The following STK25 variants were observed in gnomAD, a reference collection of about 807,000 sequenced individuals.
The protein encoded by STK25 is serine/threonine-protein kinase 25.
In STK25, 29 loss-of-function variants were observed where a neutral mutation model predicts 53.8. That is an observed-to-expected ratio of 0.54 (90% CI 0.40 to 0.74). The LOEUF is 0.74. STK25 is among the 30% of genes least tolerant of loss of function. STK25 has a pLI of 0.00. For missense variants in STK25, 420 were observed against 568.0 expected (o/e 0.74, Z 2.65); for synonymous variants, 247 against 238.3 (o/e 1.04, Z -0.33).
intron 2 of STK25, among the ~76,000 whole-genome samples, chr2:241,502,182 CAAAT>C (rs2065553121): frequency 1.3e-5 from 2 of 151,774 alleles, no homozygotes; most frequent in Admixed American, 6.6e-5. Flanking sequence ...AACAAACAAA[CAAAT>C]AACAACAACA....
chr2:241,509,306 G>T (rs2066032101), upstream of STK25: 1 of 152,418 alleles, frequency 6.6e-6, no homozygotes, highest in African/African-American at 2.4e-5. Context: ...GCCCAGGACA[G>T]TGACTGCTGC....
At chr2:241,500,415 G>C (rs1197570384) in intron 4 of STK25, 134 bp from the exon 5 acceptor site, 2 of 660,390 alleles carry the variant, frequency 3.0e-6, no homozygotes, top group African/African-American at 3.6e-5. Context: ...TTCCCAAACA[G>C]AACTAAGTTT....
At position 241,494,401 on chromosome 2, in the gene STK25, CA is replaced by C; in HGVS notation, c.*1260del. 3.6e-6 allele frequency: 1 copy of C among 277,812 alleles called. No homozygotes were observed. Among genetic ancestry groups the C allele is most frequent in the Non-Finnish European group, 6.7e-6 (1 of 148,258 alleles). The allele number at this position is 277,812 out of a possible 1,614,324, so 17.2% of individuals were successfully genotyped here. ...AGCCACAGCTCCCAGGCCCCTGGCT[CA>C]AAGACGCAGACAAGGCCTGAGCAGT... On this transcript the variant is annotated 3_prime_UTR_variant, in exon 12 of 12. Coordinates refer to ENST00000316586, the MANE Select transcript of STK25 (RefSeq NM_001271977.2). This position sits in a 1 kb window ranked among gnomAD's most constrained non-coding sequence, Gnocchi z 4.9.
chr2:241,508,876 C>G (rs796340793), upstream of STK25, among the ~76,000 whole-genome samples: 37 of 152,312 alleles, frequency 2.4e-4, 1 homozygote, highest in African/African-American at 8.4e-4. Flanking sequence ...CCTCGCGGGT[C>G]TTCTGCGTTT....
Position 241,496,254 on chromosome 2 carries a change from A to G in STK25, c.1241+144T>C. The G allele has an allele frequency of 3.1e-6, 3 of 978,268 alleles. 1 individual carries two copies. The South Asian group carries it at 4.6e-5, about 15-fold the overall frequency. The allele number at this position is 978,268 out of a possible 1,614,324, so 60.6% of individuals were successfully genotyped here. The stretch of plus-strand genomic sequence containing the variant: ...GAGCTGGGTCCAAACAAGGAAGAGG[A>G]TGCCACGCCGCGCCTTCCCAGAGTG... On this transcript the variant is annotated intron_variant, in intron 11 of 11. Coordinates refer to ENST00000316586, the MANE Select transcript of STK25 (RefSeq NM_001271977.2). The surrounding 1 kb of genome is among the most constrained non-coding windows in gnomAD (Gnocchi z 5.8).
In STK25 at chr2:241,499,005, T is replaced by A. The variant is rs764540534; in HGVS notation, c.755A>T (p.Asn252Ile). Residue 252 changes from asparagine (N) to isoleucine (I), a missense_variant, in exon 7 of 12, where the codon AAC becomes ATC. By Grantham distance (149) the Asn-to-Ile change is moderately radical (BLOSUM62 -3). Transcript: ENST00000316586. ...PFKEFVEACL[N>I]KDPRFRPTAK... ...GGGCCTTACGAATCGGGGGTCTTTG[T>A]TGAGGCAGGCCTCCACGAACTCCTT... 6.2e-7 allele frequency: 1 copy of A among 1,613,952 alleles called. No individual in the cohort carries two copies. The highest frequency in any genetic ancestry group is 8.5e-7 in the Non-Finnish European group (1 of 1,179,932).
Position 241,501,707 on chromosome 2 carries a change from T to C in STK25, c.32A>G (p.His11Arg), listed in dbSNP as rs752551342. Residue 11 changes from histidine to arginine, a missense_variant and splice_region_variant, in exon 3 of 12, where the codon CAC (histidine) becomes CGC (arginine). Physicochemically the swap from His to Arg is conservative, Grantham distance 29 (BLOSUM62 0). Transcript: ENST00000316586. The surrounding 1 kb of genome is among the most constrained non-coding windows in gnomAD (Gnocchi z 5.3). MAHLRGFANQ[H>R]SRVDPEELFT... Reference sequence around the variant, plus strand: ...GAGCTCCTCAGGGTCCACTCGAGAGTGCTGTGGGGCCAGGGCGGGGACAGA... The same window carrying C: ...GAGCTCCTCAGGGTCCACTCGAGAGCGCTGTGGGGCCAGGGCGGGGACAGA... The C allele has an allele frequency of 6.2e-7, 1 of 1,610,340 alleles. No homozygotes were observed.
Position 241,493,543 on chromosome 2 carries a change from G to T in STK25, c.*2119C>A. On this transcript the variant is annotated 3_prime_UTR_variant, in exon 12 of 12. Transcript: ENST00000316586. ...GGTGGAGGCAAGTTTTCTGGGCCCTGGAAAGGAAGGGCTGAGCAATGCTTC... is the reference window on the plus strand; with the variant it reads ...GGTGGAGGCAAGTTTTCTGGGCCCTTGAAAGGAAGGGCTGAGCAATGCTTC... 9.1e-7 allele frequency: 1 copy of T among 1,096,200 alleles called. No individual in the cohort carries two copies. The highest frequency in any genetic ancestry group is 1.3e-5 in the South Asian group (1 of 74,976). 67.9% of individuals were successfully genotyped at this position (1,096,200 alleles called of 1,614,324 possible).
At position 241,501,038 on chromosome 2, in the gene STK25, A is replaced by AC; in HGVS notation, c.262-243dup. On this transcript the variant is annotated intron_variant, in intron 3 of 11. Transcript: ENST00000316586. The surrounding 1 kb of genome is among the most constrained non-coding windows in gnomAD (Gnocchi z 5.3). The stretch of plus-strand genomic sequence containing the variant: ...CAGTGGCTGACTCCACTTCACCAAG[A>AC]CCCCATCAAAAACCAGGCTGCTGAT... 1.7e-6 allele frequency: 1 copy of AC among 584,818 alleles called. No homozygotes were observed. The highest frequency in any genetic ancestry group is 3.0e-6 in the Non-Finnish European group (1 of 327,984). The allele number at this position is 584,818 out of a possible 1,614,324, so 36.2% of individuals were successfully genotyped here. A position where few individuals can be genotyped will look rare whatever the true frequency, so the allele number is the denominator to read the frequency against.
In STK25 at chr2:241,493,194, G is replaced by A. The variant is rs1264079333; in HGVS notation, c.*2468C>T. Reference sequence around the variant, plus strand: ...AGGGAAACTGGCTCCCTTGGCCCGTGGGCATTTGTACGTGCCACCGTTGTG... The same window carrying A: ...AGGGAAACTGGCTCCCTTGGCCCGTAGGCATTTGTACGTGCCACCGTTGTG... On this transcript the variant is annotated 3_prime_UTR_variant, in exon 12 of 12. Coordinates refer to ENST00000316586, the MANE Select transcript of STK25 (RefSeq NM_001271977.2). 2 of 1,389,694 alleles carry A rather than the reference G, an allele frequency of 1.4e-6. No homozygotes were observed. Among genetic ancestry groups the A allele is most frequent in the Non-Finnish European group, 2.0e-6 (2 of 991,332 alleles). 86.1% of individuals were successfully genotyped at this position (1,389,694 alleles called of 1,614,324 possible). A position where few individuals can be genotyped will look rare whatever the true frequency, so the allele number is the denominator to read the frequency against.
rs899485896 is a variant in STK25, at chr2:241,501,056, C to G, written c.262-260G>C. The G allele has an allele frequency of 3.5e-6, 2 of 578,478 alleles. No individual in the cohort carries two copies. The highest frequency in any genetic ancestry group is 3.1e-6 in the Non-Finnish European group (1 of 324,196). 35.8% of individuals were successfully genotyped at this position (578,478 alleles called of 1,614,324 possible). A position where few individuals can be genotyped will look rare whatever the true frequency, so the allele number is the denominator to read the frequency against. ...CACCAAGACCCCATCAAAAACCAGGCTGCTGATCCAGTCCTACAGGGCTGG... is the reference window on the plus strand; with the variant it reads ...CACCAAGACCCCATCAAAAACCAGGGTGCTGATCCAGTCCTACAGGGCTGG... On this transcript the variant is annotated intron_variant, in intron 3 of 11. Transcript: ENST00000316586. The surrounding 1 kb of genome is among the most constrained non-coding windows in gnomAD (Gnocchi z 5.3).
chr2:241,494,211 G>GGAA lies in STK25; in HGVS notation c.*1448_*1450dup. On this transcript the variant is annotated 3_prime_UTR_variant, in exon 12 of 12. Transcript: ENST00000316586. The surrounding 1 kb of genome is among the most constrained non-coding windows in gnomAD (Gnocchi z 4.9). Reference sequence around the variant, plus strand: ...CTGTCCTGAGGCTTCTCAACAGATGGGAAGTGGCTGTGGTCTCACTGGATC... The same window carrying GGAA: ...CTGTCCTGAGGCTTCTCAACAGATGGGAAGAAGTGGCTGTGGTCTCACTGGATC... The GGAA allele has an allele frequency of 5.1e-6, 4 of 785,728 alleles. No homozygotes were observed. The South Asian group carries it at 1.2e-4, about 24-fold the overall frequency. 48.7% of individuals were successfully genotyped at this position (785,728 alleles called of 1,614,324 possible).
intron 7 of STK25, 96 bp from the exon 8 acceptor site, chr2:241,498,880 C>A (rs1323282782): frequency 6.2e-7 from 1 of 1,606,202 alleles, no homozygotes; most frequent in East Asian, 2.2e-5. Context: ...CGGGCCCTCA[C>A]AGCTACAAGG....
At chr2:241,509,380 G>T (rs557419718), upstream of STK25, 13 of 152,450 alleles carry the variant, frequency 8.5e-5, no homozygotes, top group African/African-American at 3.1e-4. Flanking sequence ...GCTACCTGGT[G>T]CGTCCCCGTG....
In STK25 at chr2:241,501,620, T is replaced by C; in HGVS notation, c.119A>G (p.Asn40Ser). 6.2e-7 allele frequency: 1 copy of C among 1,614,052 alleles called. No homozygotes were observed. Among genetic ancestry groups the C allele is most frequent in the African/African-American group, 1.3e-5 (1 of 75,022 alleles). The change falls in exon 3 of 12, where the codon AAC (asparagine) becomes AGC (serine). Residue 40 changes from asparagine to serine, a missense_variant. Asn to Ser is a conservative substitution (Grantham distance 46). Transcript: ENST00000316586. This position sits in a 1 kb window ranked among gnomAD's most constrained non-coding sequence, Gnocchi z 5.3. ...SFGEVYKGID[N>S]HTKEVVAIKI... ...GATGGCCACCACCTCCTTTGTGTGG[T>C]TATCGATGCCCTTGTAGACCTCCCC...
Position 241,493,651 on chromosome 2 carries a change from G to GTGA in STK25, c.*2008_*2010dup, listed in dbSNP as rs1319260871. On this transcript the variant is annotated 3_prime_UTR_variant, in exon 12 of 12. Transcript: ENST00000316586. ...CCTCTGTCACTCAGGCTGGAGTGCA[G>GTGA]TGATACAATCTTGGCTCACTATAAC... The GTGA allele has an allele frequency of 1.0e-5, 6 of 584,314 alleles. No individual in the cohort carries two copies. Among genetic ancestry groups the GTGA allele is most frequent in the South Asian group, 2.1e-5 (1 of 48,730 alleles). 36.2% of individuals were successfully genotyped at this position (584,314 alleles called of 1,614,324 possible). A position where few individuals can be genotyped will look rare whatever the true frequency, so the allele number is the denominator to read the frequency against.
chr2:241,502,485 C>T (rs1169874612), intron 2 of STK25, among the ~76,000 whole-genome samples: 1 of 151,980 alleles, frequency 6.6e-6, no homozygotes, highest in Admixed American at 6.6e-5. Flanking sequence ...CACCTGAAAT[C>T]CCAGCACTCT....
At position 241,508,459 on chromosome 2, in the gene STK25, C is replaced by A; in HGVS notation, c.-117G>T. 1.9e-6 allele frequency: 2 copies of A among 1,069,558 alleles called. No individual in the cohort carries two copies. The highest frequency in any genetic ancestry group is 5.1e-5 in the South Asian group (2 of 39,584). 66.3% of individuals were successfully genotyped at this position (1,069,558 alleles called of 1,614,324 possible). On this transcript the variant is annotated 5_prime_UTR_variant, in exon 1 of 12. Transcript: ENST00000316586. ...CGCGCCCACCTCCGCGGGGCTCCAT[C>A]CCGGCCTCCCCCGGCCCGCTCTGCA...
At position 241,493,412 on chromosome 2, in the gene STK25, C is replaced by T; in HGVS notation, c.*2250G>A. The T allele has an allele frequency of 1.2e-6, 2 of 1,613,970 alleles. No homozygotes were observed. Among genetic ancestry groups the T allele is most frequent in the Non-Finnish European group, 1.7e-6 (2 of 1,180,024 alleles). ...TCCAGTTCAAATCCCACGTCTACTTCTTCCGGGCTGAGAGCAAGTACACAT... is the reference window on the plus strand; with the variant it reads ...TCCAGTTCAAATCCCACGTCTACTTTTTCCGGGCTGAGAGCAAGTACACAT... On this transcript the variant is annotated 3_prime_UTR_variant, in exon 12 of 12. Transcript: ENST00000316586.
Sources: gnomAD v4.1 joint callset for allele counts (sites outside exome capture counted in the v4.1 genomes callset) on GRCh38, gnomAD v4.1.1 for gene constraint, Gnocchi (gnomAD v3.1) non-coding constraint, MANE v1.5 for transcripts, NCBI Gene and HGNC (gene_info 2026-07-23, HGNC 2026-07-21) for gene names.